The following ZNF577 variants were observed in gnomAD, a reference collection of about 807,000 sequenced individuals.
The protein encoded by ZNF577 is zinc finger protein 577.
Under a neutral mutation model 13.9 loss-of-function variants are expected in ZNF577, and 14 were observed. The observed-to-expected ratio is 1.00, with a 90% CI of 0.66 to 1.57. The LOEUF (loss-of-function observed/expected upper bound fraction) is 1.57. Among genes scored for constraint, ZNF577 ranks in the 40% most tolerant of loss-of-function variants. The probability of loss-of-function intolerance (pLI) is 0.00; values close to 1 mark genes in which losing one functional copy is unlikely to be tolerated. For missense variants in ZNF577, 555 were observed against 579.2 expected (o/e 0.96, Z 0.43); for synonymous variants, 203 against 202.9 (o/e 1.00, Z 0.00).
chr19:51,820,210 A>C (rs1022663803), intron 9 of ZNF577, among the ~76,000 whole-genome samples: 1 of 152,240 alleles, frequency 6.6e-6, no homozygotes, highest in African/African-American at 2.4e-5. Flanking sequence ...GGAGAAGCAC[A>C]GATGCTAACA....
chr19:51,848,908 T>C (rs1381583692), intron 5 of ZNF577, among the ~76,000 whole-genome samples: 1 of 152,234 alleles, frequency 6.6e-6, no homozygotes, highest in African/African-American at 2.4e-5. Flanking sequence ...TGTCTAGTTT[T>C]GGTGTCAAGA....
intron 5 of ZNF577, among the ~76,000 whole-genome samples, chr19:51,874,428 T>C (rs1225893020): frequency 6.6e-6 from 1 of 150,716 alleles, no homozygotes; most frequent in Non-Finnish European, 1.5e-5. Context: ...ATAAAGAACA[T>C]TCCAAGAAAA....
At chr19:51,875,949 C>T (rs1568448466) in intron 5 of ZNF577, among the ~76,000 whole-genome samples, 1 of 152,094 alleles carries the variant, frequency 6.6e-6, no homozygotes, top group Non-Finnish European at 1.5e-5. Context: ...CAGAGTAAAC[C>T]GAGAAGACTC....
In ZNF577 at chr19:51,868,713, G is replaced by C. The variant is rs2084605810; in HGVS notation, c.*3819C>G. Among the ~76,000 whole-genome samples, 1 of 152,162 alleles carries C rather than the reference G, an allele frequency of 6.6e-6. No individual in the cohort carries two copies. Among genetic ancestry groups the C allele is most frequent in the Non-Finnish European group, 1.5e-5 (1 of 68,026 alleles). On this transcript the variant is annotated 3_prime_UTR_variant, in exon 6 of 6. Transcript: ENST00000638348. ...AGATAGAATTCACTCATGTGTGTGG[G>C]GGAAAGAAAGATAGATCAGACTGCT...
chr19:51,881,075 T>C (rs2084854588), intron 1 of ZNF577, among the ~76,000 whole-genome samples, 198 bp from the exon 2 acceptor site: 1 of 152,176 alleles, frequency 6.6e-6, no homozygotes, highest in Admixed American at 6.5e-5. Flanking sequence ...TTTTTTTTGG[T>C]TATGTCAGAA....
At chr19:51,853,694 T>G (rs996896365) in intron 5 of ZNF577, among the ~76,000 whole-genome samples, 1 of 152,198 alleles carries the variant, frequency 6.6e-6, no homozygotes, top group African/African-American at 2.4e-5. Flanking sequence ...ATCCCCAGAT[T>G]TGTGAGCTTC....
At position 51,853,728 on chromosome 19, in the gene ZNF577, GA is replaced by G. The variant is rs144062563; in HGVS notation, c.284-8798del. Among the ~76,000 whole-genome samples, 1,044 of 152,262 alleles carry G rather than the reference GA, an allele frequency of 6.9e-3. 7 individuals carry two copies. The highest frequency in any genetic ancestry group is 0.024 in the African/African-American group (998 of 41,532). ...TCTTGGCTTCCTTGAAACTTTCATT[GA>G]AAATAAGTTTCTCTTTTTCAGCTTG... is the stretch of plus-strand genomic sequence containing the variant. On this transcript the variant is annotated intron_variant and NMD_transcript_variant, in intron 5 of 10. Coordinates refer to the ZNF577 transcript ENST00000638827.
chr19:51,861,719 T>C (rs2084504679), intron 5 of ZNF577: 1 of 152,410 alleles, frequency 6.6e-6, no homozygotes, highest in Non-Finnish European at 1.5e-5. Flanking sequence ...ACTGCATCTA[T>C]AGGGCCTCTT....
At chr19:51,809,824 G>A (rs552874302) in intron 10 of ZNF577, among the ~76,000 whole-genome samples, 2 of 152,150 alleles carry the variant, frequency 1.3e-5, no homozygotes, top group African/African-American at 2.4e-5. Flanking sequence ...TGTTCCTGGG[G>A]TGAGGGAATC....
intron 4 of ZNF577, chr19:51,877,595 GACAA>G (rs1194615119): frequency 4.0e-5 from 16 of 399,166 alleles, no homozygotes; most frequent in African/African-American, 3.3e-4. Context: ...AAAACAAACA[GACAA>G]ACAAAAACAG....
At position 51,871,915 on chromosome 19, in the gene ZNF577, G is replaced by A. The variant is rs532911968; in HGVS notation, c.*617C>T. 1.3e-5 allele frequency: 2 copies of A among 152,374 alleles called. No individual in the cohort carries two copies. The highest frequency in any genetic ancestry group is 4.8e-5 in the African/African-American group (2 of 41,558). 9.4% of individuals were successfully genotyped at this position (152,374 alleles called of 1,614,324 possible). ...GATGCATTTGGACTTCAGTCCTCCA[G>A]AACTGTAAGATAATGATTTTGTGTT... On this transcript the variant is annotated 3_prime_UTR_variant, in exon 6 of 6. Coordinates refer to ENST00000638348, the MANE Select transcript of ZNF577 (RefSeq NM_001370449.1).
intron 9 of ZNF577, among the ~76,000 whole-genome samples, chr19:51,813,756 G>C (rs183714758): frequency 6.6e-6 from 1 of 152,170 alleles, no homozygotes; most frequent in African/African-American, 2.4e-5. Flanking sequence ...GGATGGACTC[G>C]ATCTCCTGAC....
chr19:51,879,938 T>C (rs112441237), intron 3 of ZNF577, among the ~76,000 whole-genome samples: 3 of 152,354 alleles, frequency 2.0e-5, no homozygotes, highest in African/African-American at 7.2e-5. Flanking sequence ...AGTATCTGCA[T>C]TCCAAGCTGT....
intron 8 of ZNF577, chr19:51,840,885 A>G (rs1255282929): frequency 1.3e-5 from 2 of 152,232 alleles, no homozygotes; most frequent in African/African-American, 4.8e-5. Context: ...CTACTTGAGA[A>G]CTTTTAAAAT....
At chr19:51,838,705 A>C (rs1280309450) in intron 9 of ZNF577, among the ~76,000 whole-genome samples, 1 of 151,136 alleles carries the variant, frequency 6.6e-6, no homozygotes, top group Non-Finnish European at 1.5e-5. Context: ...TGTATTTAAG[A>C]AAATGAAATA....
intron 3 of ZNF577, 121 bp downstream of exon 3, chr19:51,880,202 A>T: frequency 9.5e-7 from 1 of 1,057,892 alleles, no homozygotes; most frequent in South Asian, 1.3e-5. Context: ...AAACAACAGG[A>T]AAAAGCCATA....
intron 10 of ZNF577, among the ~76,000 whole-genome samples, chr19:51,808,057 A>G (rs1226798606): frequency 6.6e-6 from 1 of 152,258 alleles, no homozygotes; most frequent in East Asian, 1.9e-4. Flanking sequence ...GGTTGTAGCC[A>G]TGAGGCATGT....
At chr19:51,806,715 T>A (rs902918333) in intron 10 of ZNF577, among the ~76,000 whole-genome samples, 1 of 152,224 alleles carries the variant, frequency 6.6e-6, no homozygotes, top group African/African-American at 2.4e-5. Context: ...GGTATTCCCA[T>A]ATGAGCAAAT....
intron 9 of ZNF577, among the ~76,000 whole-genome samples, chr19:51,828,529 G>A (rs1411925728): frequency 1.3e-5 from 2 of 152,164 alleles, no homozygotes; most frequent in Non-Finnish European, 2.9e-5. Flanking sequence ...TTGGTTAATT[G>A]CAGTAGAACA....
Sources: allele counts gnomAD v4.1 joint callset (sites outside exome capture counted in the v4.1 genomes callset), GRCh38; gene constraint gnomAD v4.1.1; transcripts MANE v1.5; gene names NCBI Gene and HGNC (gene_info 2026-07-23, HGNC 2026-07-21).